PALM2AKAP2: variants seen among roughly 807,000 people sequenced by gnomAD.
PALM2AKAP2 encodes PALM2-AKAP2 fusion protein.
PALM2AKAP2 carries 37 observed loss-of-function variants against 71.5 expected under a neutral mutation model. The ratio of observed to expected loss-of-function variants is 0.52; its 90% CI spans 0.40 to 0.68. The LOEUF is 0.68. Ranked by LOEUF, PALM2AKAP2 falls within the 30% of genes least tolerant of loss-of-function variation. The probability of loss-of-function intolerance (pLI) is 0.00; values close to 1 mark genes in which losing one functional copy is unlikely to be tolerated. For missense variants in PALM2AKAP2, 1,224 were observed against 1,191.8 expected, an observed-to-expected ratio of 1.03 and a Z score of -0.40; for synonymous variants, 468 against 478.8, an observed-to-expected ratio of 0.98 and a Z score of 0.29.
At chr9:109,683,869 A>G (rs1237009479) in intron 1 of PALM2AKAP2, among the ~76,000 whole-genome samples, 2 of 152,134 alleles carry the variant, frequency 1.3e-5, no homozygotes, top group Non-Finnish European at 2.9e-5. Flanking sequence ...ATAATGTATA[A>G]TATACATTAT....
At chr9:109,680,608 A>T (rs1827713184) in intron 1 of PALM2AKAP2, among the ~76,000 whole-genome samples, 1 of 152,226 alleles carries the variant, frequency 6.6e-6, no homozygotes, top group Admixed American at 6.5e-5. Flanking sequence ...TATATTGAAA[A>T]TCATTAAAAT....
At chr9:109,742,150 A>G (rs1311097314) in intron 1 of PALM2AKAP2, among the ~76,000 whole-genome samples, 5 of 152,178 alleles carry the variant, frequency 3.3e-5, no homozygotes, top group Admixed American at 1.3e-4. Context: ...AGCAAATGAC[A>G]TAACTTTTTA....
chr9:109,893,745 C>T (rs1830139022), intron 3 of PALM2AKAP2, among the ~76,000 whole-genome samples: 1 of 152,120 alleles, frequency 6.6e-6, no homozygotes, highest in African/African-American at 2.4e-5. Context: ...CTGTACCCAA[C>T]CATCTCAGCA....
At position 109,657,557 on chromosome 9, in the gene PALM2AKAP2, GAGAC is replaced by G. The variant is rs903730965; in HGVS notation, c.5+16703_5+16706del. The stretch of plus-strand genomic sequence containing the variant: ...CGGAAGAGAGGATGACAGAGAGAGA[GAGAC>G]AGACAGACAGAGACAGAAAGAACAT... On this transcript the variant is annotated intron_variant, in intron 1 of 6. Transcript: ENST00000374531. 4.0e-5 allele frequency among the ~76,000 whole-genome samples: 6 copies of G among 151,856 alleles called. No homozygotes were observed. The South Asian group carries it at 1.0e-3, about 26-fold the overall frequency.
In PALM2AKAP2 at chr9:109,683,482, A is replaced by G. The variant is rs184742042; in HGVS notation, c.5+42616A>G. Among the ~76,000 whole-genome samples, 7 of 152,290 alleles carry G rather than the reference A, an allele frequency of 4.6e-5. No homozygotes were observed. The East Asian group carries it at 1.2e-3, about 25-fold the overall frequency. ...AACCTCCACCAGAAGCAGGGAGAGAAGGCAGGAATAGATTCTTCCTCATAA... is the reference window on the plus strand; with the variant it reads ...AACCTCCACCAGAAGCAGGGAGAGAGGGCAGGAATAGATTCTTCCTCATAA... On this transcript the variant is annotated intron_variant, in intron 1 of 6. Transcript: ENST00000374531.
At chr9:109,952,178 G>C (rs996311863) in intron 6 of PALM2AKAP2, among the ~76,000 whole-genome samples, 1 of 152,196 alleles carries the variant, frequency 6.6e-6, no homozygotes, top group African/African-American at 2.4e-5. Flanking sequence ...GAATGAGTAT[G>C]GCCATGTTCT....
At chr9:110,014,260 A>G (rs950108891) in intron 6 of PALM2AKAP2, among the ~76,000 whole-genome samples, 2 of 152,190 alleles carry the variant, frequency 1.3e-5, no homozygotes, top group Non-Finnish European at 2.9e-5. Flanking sequence ...AGGAAAATCA[A>G]TAATGTAAAC....
chr9:109,678,976 C>G (rs111538801), intron 1 of PALM2AKAP2, among the ~76,000 whole-genome samples: 3 of 152,072 alleles, frequency 2.0e-5, no homozygotes, highest in Non-Finnish European at 4.4e-5. Flanking sequence ...GGCAAACTCA[C>G]GTTTAGGGCT....
At chr9:109,779,142 TATTTC>T (rs1346900469), upstream of PALM2AKAP2, among the ~76,000 whole-genome samples, 1 of 152,240 alleles carries the variant, frequency 6.6e-6, no homozygotes, top group African/African-American at 2.4e-5. Flanking sequence ...TTTCAGTGTT[TATTTC>T]ATTTGATGAA....
intron 1 of PALM2AKAP2, among the ~76,000 whole-genome samples, chr9:109,741,350 A>G (rs1828713410): frequency 6.6e-6 from 1 of 151,848 alleles, no homozygotes; most frequent in African/African-American, 2.4e-5. Flanking sequence ...AAGTTTATTC[A>G]TTTTCCTGTT....
chr9:110,071,764 T>G (rs1834212829), intron 1 of PALM2AKAP2, among the ~76,000 whole-genome samples: 1 of 152,214 alleles, frequency 6.6e-6, no homozygotes. Flanking sequence ...AAAATTCCCT[T>G]AGACTTAAGT....
intron 1 of PALM2AKAP2, among the ~76,000 whole-genome samples, chr9:109,682,009 T>A (rs1298569262): frequency 2.6e-5 from 4 of 152,212 alleles, no homozygotes; most frequent in Non-Finnish European, 5.9e-5. Flanking sequence ...TGCTGTTGGA[T>A]TCAGTGGTTA....
chr9:109,656,432 C>G (rs1481395720), intron 1 of PALM2AKAP2, among the ~76,000 whole-genome samples: 1 of 152,176 alleles, frequency 6.6e-6, no homozygotes, highest in Non-Finnish European at 1.5e-5. Context: ...ACATGCCCAT[C>G]CCTTGAAAAC....
intron 7 of PALM2AKAP2, chr9:110,025,398 G>GTTT: frequency 1.3e-6 from 1 of 760,948 alleles, no homozygotes. Flanking sequence ...CGCCCGAAAG[G>GTTT]CTTTTTTTTT....
intron 1 of PALM2AKAP2, among the ~76,000 whole-genome samples, chr9:109,665,728 G>A (rs1028491992): frequency 6.6e-6 from 1 of 152,248 alleles, no homozygotes; most frequent in African/African-American, 2.4e-5. Flanking sequence ...CTTCAGAGCT[G>A]TCAGACTGGG....
chr9:109,988,371 G>A (rs1048694903), intron 6 of PALM2AKAP2, among the ~76,000 whole-genome samples: 9 of 152,252 alleles, frequency 5.9e-5, no homozygotes, highest in Admixed American at 5.9e-4. Flanking sequence ...TATAGTCATT[G>A]TGCCAGAATA....
chr9:110,096,395 C>T (rs1196077587), intron 1 of PALM2AKAP2, among the ~76,000 whole-genome samples: 1 of 140,100 alleles, frequency 7.1e-6, no homozygotes, highest in Non-Finnish European at 1.6e-5. Flanking sequence ...TCCCAAGTAG[C>T]TGGGACTACA....
At chr9:109,659,247 G>T (rs1213631272) in intron 1 of PALM2AKAP2, among the ~76,000 whole-genome samples, 1 of 152,162 alleles carries the variant, frequency 6.6e-6, no homozygotes, top group Non-Finnish European at 1.5e-5. Context: ...ACCACACAAT[G>T]AATCCATTTA....
At chr9:109,782,464 C>T (rs1228471708) in intron 1 of PALM2AKAP2, among the ~76,000 whole-genome samples, 2 of 152,090 alleles carry the variant, frequency 1.3e-5, no homozygotes, top group Non-Finnish European at 1.5e-5. Context: ...CTGTACTGAA[C>T]ATGTACAGAC....
Sources: gnomAD v4.1 joint callset for allele counts (sites outside exome capture counted in the v4.1 genomes callset) on GRCh38, gnomAD v4.1.1 for gene constraint, MANE v1.5 for transcripts, NCBI Gene and HGNC (gene_info 2026-07-23, HGNC 2026-07-21) for gene names.